The following RPF1 variants were observed in gnomAD, a reference collection of about 807,000 sequenced individuals.
RPF1 encodes the protein ribosome production factor 1 homolog.
Under a neutral mutation model 41.9 loss-of-function variants are expected in RPF1, and 34 were observed. The ratio of observed to expected loss-of-function variants is 0.81; its 90% CI spans 0.62 to 1.08. The LOEUF (loss-of-function observed/expected upper bound fraction) is 1.08. RPF1 is among the 50% of genes least tolerant of loss of function. The pLI is 0.00. For synonymous variants in RPF1, 140 were observed against 148.9 expected, an observed-to-expected ratio of 0.94 and a Z score of 0.43; for missense variants, 425 against 435.2, an observed-to-expected ratio of 0.98 and a Z score of 0.21.
chr1:84,495,320 A>G, intron 5 of RPF1, 53 bp from the exon 6 acceptor site: 1 of 849,570 alleles, frequency 1.2e-6, no homozygotes, highest in Non-Finnish European at 1.9e-6. Flanking sequence ...TTATTTAAAC[A>G]ATTAGATTTA....
At position 84,495,363 on chromosome 1, in the gene RPF1, T is replaced by C. The variant is rs765459405; in HGVS notation, c.617-10T>C. The C allele has an allele frequency of 4.0e-5, 53 of 1,315,880 alleles. No homozygotes were observed. The East Asian group carries it at 1.1e-3, about 28-fold the overall frequency. 81.5% of individuals were successfully genotyped at this position (1,315,880 alleles called of 1,614,324 possible). On this transcript the variant is annotated splice_polypyrimidine_tract_variant and intron_variant, in intron 5 of 8. Coordinates refer to ENST00000370654, the MANE Select transcript of RPF1 (RefSeq NM_025065.7). ...GAGTTCAATGTGTTTTTCTTAACTTTTATGAACAGATGGACTTATTTTGAG... is the reference window on the plus strand; with the variant it reads ...GAGTTCAATGTGTTTTTCTTAACTTCTATGAACAGATGGACTTATTTTGAG...
At chr1:84,479,608 G>C (rs1040063467) in intron 1 of RPF1, 99 bp downstream of exon 1, 2 of 1,140,362 alleles carry the variant, frequency 1.8e-6, no homozygotes, top group Non-Finnish European at 2.5e-6. Context: ...GGTCTCAAAA[G>C]TGTTCTCTGT....
In RPF1 at chr1:84,497,444, A is replaced by G. The variant is rs1681962436; in HGVS notation, c.1024A>G (p.Thr342Ala). 1 of 1,611,956 alleles carries G rather than the reference A, an allele frequency of 6.2e-7. No individual in the cohort carries two copies. Among genetic ancestry groups the G allele is most frequent in the Non-Finnish European group, 8.5e-7 (1 of 1,178,834 alleles). Residue 342 changes from threonine to alanine, a missense_variant, in exon 9 of 9, where the codon ACA (threonine) becomes GCA (alanine). Coordinates refer to ENST00000370654, the MANE Select transcript of RPF1 (RefSeq NM_025065.7). ...CCACTTTCAGCCCCGGGAAATGGAT[A>G]CAAGTAGAAGAAAATTCCATTTATA... ...EWVHKPREMD[T>A]SRRKFHL
chr1:84,495,442 G>A lies in RPF1; in HGVS notation c.686G>A (p.Arg229His), dbSNP rs981871420. 8.3e-6 allele frequency: 12 copies of A among 1,446,492 alleles called. No homozygotes were observed. Among genetic ancestry groups the A allele is most frequent in the African/African-American group, 5.7e-5 (4 of 70,248 alleles). The allele number at this position is 1,446,492 out of a possible 1,614,324, so 89.6% of individuals were successfully genotyped here. A position where few individuals can be genotyped will look rare whatever the true frequency, so the allele number is the denominator to read the frequency against. ...AHFKMSSVRL[R>H]KEIKRRGKDP... ...TTTAAAATGAGCAGTGTTCGTCTTC[G>A]TAAAGAAATTAAGGTAAGTTTTATA... is the stretch of plus-strand genomic sequence containing the variant. The change falls in exon 6 of 9, where the codon CGT becomes CAT. Residue 229 changes from arginine to histidine, a missense_variant. Coordinates refer to ENST00000370654, the MANE Select transcript of RPF1 (RefSeq NM_025065.7).
At chr1:84,485,937 C>G (rs901137952) in intron 3 of RPF1, among the ~76,000 whole-genome samples, 2 of 151,862 alleles carry the variant, frequency 1.3e-5, no homozygotes, top group East Asian at 3.9e-4. Flanking sequence ...TGTCTCTTGC[C>G]CATTTGTCTA....
Position 84,482,806 on chromosome 1 carries a change from A to G in RPF1, c.286-109A>G, listed in dbSNP as rs72948429. 0.012 allele frequency: 7,743 copies of G among 644,836 alleles called. 467 individuals are homozygous for G. In the African/African-American group the frequency reaches 0.13, roughly 10 times the overall value. 39.9% of individuals were successfully genotyped at this position (644,836 alleles called of 1,614,324 possible). The stretch of plus-strand genomic sequence containing the variant: ...GTAGCAATAGAAGTGGATTGATATG[A>G]GGAACAGATTGAGTTTGGGGTTATT... On this transcript the variant is annotated intron_variant, in intron 2 of 8. Transcript: ENST00000370654.
In RPF1 at chr1:84,485,020, T is replaced by TAA. The variant is rs749206479; in HGVS notation, c.366+2026_366+2027dup. 6.0e-4 allele frequency among the ~76,000 whole-genome samples: 91 copies of TAA among 152,318 alleles called. 1 individual carries two copies. Among genetic ancestry groups the TAA allele is most frequent in the Admixed American group, 1.2e-3 (19 of 15,302 alleles). Reference sequence around the variant, plus strand: ...CGGGCTTTGGAATATTTGTGATAGATAATGAGGTATCTTGATGATTGGACC... The same window carrying TAA: ...CGGGCTTTGGAATATTTGTGATAGATAAAATGAGGTATCTTGATGATTGGACC... On this transcript the variant is annotated intron_variant, in intron 3 of 8. Coordinates refer to ENST00000370654, the MANE Select transcript of RPF1 (RefSeq NM_025065.7).
intron 3 of RPF1, among the ~76,000 whole-genome samples, chr1:84,485,746 T>C (rs1681724003): frequency 6.6e-6 from 1 of 152,226 alleles, no homozygotes; most frequent in Admixed American, 6.5e-5. Context: ...GTATGATAAT[T>C]AGTAAGTATT....
intron 8 of RPF1, among the ~76,000 whole-genome samples, chr1:84,497,162 G>A (rs1681955267): frequency 6.6e-6 from 1 of 151,100 alleles, no homozygotes; most frequent in Admixed American, 6.6e-5. Flanking sequence ...GAGCCACCGT[G>A]CATGGCCTAA....
At chr1:84,479,952 C>T (rs749019851) in intron 1 of RPF1, among the ~76,000 whole-genome samples, 1 of 152,216 alleles carries the variant, frequency 6.6e-6, no homozygotes, top group Non-Finnish European at 1.5e-5. Flanking sequence ...GAAATTAGTA[C>T]TGTAAAGTTT....
At position 84,498,235 on chromosome 1, in the gene RPF1, A is replaced by G. The variant is rs978863147; in HGVS notation, c.*765A>G. The G allele has an allele frequency of 1.3e-5, 2 of 152,608 alleles. No individual in the cohort carries two copies. Among genetic ancestry groups the G allele is most frequent in the African/African-American group, 4.8e-5 (2 of 41,464 alleles). The allele number at this position is 152,608 out of a possible 1,614,324, so 9.5% of individuals were successfully genotyped here. On this transcript the variant is annotated 3_prime_UTR_variant, in exon 9 of 9. Coordinates refer to ENST00000370654, the MANE Select transcript of RPF1 (RefSeq NM_025065.7). The stretch of plus-strand genomic sequence containing the variant: ...TGGCATAAAGTCATGTGAGAAGAGT[A>G]GGTGGAAAAAACTGTACAAACTTAA...
intron 3 of RPF1, among the ~76,000 whole-genome samples, chr1:84,488,559 T>TAGAA (rs1681774518): frequency 1.3e-5 from 2 of 152,130 alleles, no homozygotes; most frequent in South Asian, 4.1e-4. Flanking sequence ...CTCCCATTTT[T>TAGAA]GTGCCTTCTA....
intron 3 of RPF1, among the ~76,000 whole-genome samples, chr1:84,486,171 T>C (rs886313646): frequency 6.6e-6 from 1 of 152,086 alleles, no homozygotes; most frequent in Non-Finnish European, 1.5e-5. Flanking sequence ...GGGAGAGAAT[T>C]GTAGAAGAGG....
chr1:84,490,307 T>G lies in RPF1; in HGVS notation c.463-12T>G. The G allele has an allele frequency of 6.6e-7, 1 of 1,512,394 alleles. No individual in the cohort carries two copies. Among genetic ancestry groups the G allele is most frequent in the Non-Finnish European group, 8.8e-7 (1 of 1,132,270 alleles). The allele number at this position is 1,512,394 out of a possible 1,614,324, so 93.7% of individuals were successfully genotyped here. On this transcript the variant is annotated splice_polypyrimidine_tract_variant and intron_variant, in intron 4 of 8. Transcript: ENST00000370654. Reference sequence around the variant, plus strand: ...GAAAACTATTCAAAATTTTTGTTATTTTGTTTTGCAGAGAACAGTACGACT... The same window carrying G: ...GAAAACTATTCAAAATTTTTGTTATGTTGTTTTGCAGAGAACAGTACGACT...
intron 3 of RPF1, among the ~76,000 whole-genome samples, chr1:84,486,597 A>T (rs1407066649): frequency 1.3e-5 from 2 of 151,582 alleles, no homozygotes; most frequent in Non-Finnish European, 2.9e-5. Flanking sequence ...CAAAAAAAAA[A>T]AAAAAAAAAA....
intron 3 of RPF1, 93 bp downstream of exon 3, chr1:84,483,088 A>C: frequency 2.6e-6 from 2 of 762,826 alleles, no homozygotes; most frequent in Non-Finnish European, 4.5e-6. Context: ...TGGCTGGCCA[A>C]GTTGCATAAT....
chr1:84,495,987 C>T lies in RPF1; in HGVS notation c.805C>T (p.His269Tyr), dbSNP rs780259031. ...IGRMFASLFP[H>Y]NPQFIGRQVA... The stretch of plus-strand genomic sequence containing the variant: ...ACGTATGTTTGCATCTCTCTTTCCT[C>T]ATAATCCTCAATTTATCGGAAGGCA... Residue 269 changes from histidine (H) to tyrosine (Y), a missense_variant, in exon 7 of 9, where the codon CAT (histidine) becomes TAT (tyrosine). Transcript: ENST00000370654. The T allele has an allele frequency of 1.4e-5, 22 of 1,610,784 alleles. No homozygotes were observed. The East Asian group carries it at 3.8e-4, about 28-fold the overall frequency.
intron 5 of RPF1, among the ~76,000 whole-genome samples, chr1:84,494,429 G>A (rs545402369): frequency 6.6e-6 from 1 of 152,266 alleles, no homozygotes; most frequent in East Asian, 1.9e-4. Context: ...ATCTGATTCT[G>A]GCCTATTTAA....
intron 3 of RPF1, among the ~76,000 whole-genome samples, chr1:84,487,431 T>TGGGAA (rs1681755831): frequency 6.6e-6 from 1 of 152,194 alleles, no homozygotes. Flanking sequence ...CCAGTTCATG[T>TGGGAA]CTTTTGCCCA....
Sources: gnomAD v4.1 joint callset for allele counts (sites outside exome capture counted in the v4.1 genomes callset) on GRCh38, gnomAD v4.1.1 for gene constraint, MANE v1.5 for transcripts, NCBI Gene and HGNC (gene_info 2026-07-23, HGNC 2026-07-21) for gene names.